The following JAK3 variants were observed in gnomAD, a reference collection of about 807,000 sequenced individuals.
JAK3 encodes Janus kinase 3, also known as tyrosine-protein kinase JAK3.
A neutral mutation model predicts 120.8 loss-of-function variants in JAK3; 88 were observed. The ratio of observed to expected loss-of-function variants is 0.73; its 90% CI spans 0.61 to 0.87. The LOEUF (loss-of-function observed/expected upper bound fraction) is 0.87, where lower values mean the gene tolerates loss of function less well. JAK3 is among the 40% of genes least tolerant of loss of function. JAK3 has a pLI of 0.00. For synonymous variants in JAK3, 592 were observed against 628.6 expected, an observed-to-expected ratio of 0.94 and a Z score of 0.87; for missense variants, 1,254 against 1,501.4, an observed-to-expected ratio of 0.84 and a Z score of 2.72.
intron 14 of JAK3, among the ~76,000 whole-genome samples, chr19:17,835,511 C>G (rs2147683716): frequency 6.6e-6 from 1 of 152,304 alleles, no homozygotes; most frequent in Non-Finnish European, 1.5e-5. Context: ...CAATGAACTT[C>G]CCTTCCACAC....
Position 17,841,673 on chromosome 19 carries a change from C to T in JAK3, c.951G>A (p.Leu317=). 6.2e-7 allele frequency: 1 copy of T among 1,613,958 alleles called. No homozygotes were observed. ...GGTTGTCTGTCCTGGTAACAGTGACCAGGCGGTGCTCTCCGGCCGGGCCAA... is the reference window on the plus strand; with the variant it reads ...GGTTGTCTGTCCTGGTAACAGTGACTAGGCGGTGCTCTCCGGCCGGGCCAA... ...PRVGPAGEHR[L]VTVTRTDNQI... Residue 317 remains leucine (L), a synonymous_variant, in exon 7 of 24, where the codon CTG becomes CTA. Coordinates refer to ENST00000458235, the MANE Select transcript of JAK3 (RefSeq NM_000215.4). The surrounding 1 kb of genome is among the most constrained non-coding windows in gnomAD (Gnocchi z 4.1).
intron 14 of JAK3, 56 bp from the exon 15 acceptor site, chr19:17,835,271 G>A (rs2094222201): frequency 1.9e-6 from 3 of 1,595,620 alleles, no homozygotes; most frequent in African/African-American, 2.7e-5. Flanking sequence ...TGAAGAGTCT[G>A]TTTGGCAAAC....
chr19:17,837,808 A>C, intron 12 of JAK3, 124 bp downstream of exon 12: 1 of 1,384,406 alleles, frequency 7.2e-7, no homozygotes, highest in Non-Finnish European at 1.0e-6. Context: ...AGCCTCCCAA[A>C]GTGCTGGGAT....
At chr19:17,839,866 G>A (rs939497337) in intron 9 of JAK3, among the ~76,000 whole-genome samples, 32 of 149,878 alleles carry the variant, frequency 2.1e-4, no homozygotes, top group Admixed American at 1.1e-3. Context: ...TCAGCCTCCC[G>A]AGTAGCTGGG....
chr19:17,840,513 C>T (rs1046895680), intron 8 of JAK3, among the ~76,000 whole-genome samples, 172 bp from the exon 9 acceptor site: 1 of 152,094 alleles, frequency 6.6e-6, no homozygotes, highest in Non-Finnish European at 1.5e-5. Flanking sequence ...CCTGTAATCC[C>T]AGCATTTTGG....
At chr19:17,830,297 A>C in intron 22 of JAK3, 79 bp from the exon 23 acceptor site, 3 of 804,024 alleles carry the variant, frequency 3.7e-6, no homozygotes, top group Non-Finnish European at 3.9e-6. Context: ...TGGTGGGGGT[A>C]GGGGCCATCT....
rs201002153 is a variant in JAK3 at position 17,832,472 on chromosome 19, G to A, written c.2680+47C>T. 26 of 1,595,644 alleles carry A rather than the reference G, an allele frequency of 1.6e-5. No individual in the cohort carries two copies. Among genetic ancestry groups the A allele is most frequent in the Non-Finnish European group, 2.2e-5 (26 of 1,163,426 alleles). ...GCAGGAGGGTAAGAATGTGCACTTT[G>A]AAAAGCACCCATACGTCTTGGTTCA... On this transcript the variant is annotated intron_variant, in intron 19 of 23. Coordinates refer to ENST00000458235, the MANE Select transcript of JAK3 (RefSeq NM_000215.4). This position sits in a 1 kb window ranked among gnomAD's most constrained non-coding sequence, Gnocchi z 4.7.
rs2094216979 is a variant in JAK3 at position 17,832,864 on chromosome 19, C to T, written c.2416G>A (p.Ala806Thr). The change falls in exon 18 of 24, where the codon GCC becomes ACC. Residue 806 changes from alanine (A) to threonine (T), a missense_variant. Around this residue, in one of 3 missense-constraint regions of JAK3, gnomAD observed 630 missense variants for 819.8 expected, o/e 0.77. Transcript: ENST00000458235. This position sits in a 1 kb window ranked among gnomAD's most constrained non-coding sequence, Gnocchi z 4.7. The stretch of plus-strand genomic sequence containing the variant: ...GGGTCTTGGCAGGCATAGAGCTGGG[C>T]ACCATTCCACAGCCCATCACGAGGT... ...LAPRDGLWNG[A>T]QLYACQDPTI... is the part of the protein sequence containing the mutation. 6.2e-7 allele frequency: 1 copy of T among 1,614,258 alleles called. No homozygotes were observed. The highest frequency in any genetic ancestry group is 8.5e-7 in the Non-Finnish European group (1 of 1,180,044).
At chr19:17,838,528 G>C in intron 10 of JAK3, 138 bp from the exon 11 acceptor site, 1 of 958,076 alleles carries the variant, frequency 1.0e-6, no homozygotes, top group South Asian at 1.4e-5. Flanking sequence ...ATGGCTTTTT[G>C]TTGTTGTTTT....
Position 17,841,326 on chromosome 19 carries a change from G to C in JAK3, c.1142+63C>G. 1 of 1,497,352 alleles carries C rather than the reference G, an allele frequency of 6.7e-7. No homozygotes were observed. The highest frequency in any genetic ancestry group is 9.0e-7 in the Non-Finnish European group (1 of 1,113,206). 92.8% of individuals were successfully genotyped at this position (1,497,352 alleles called of 1,614,324 possible). A position where few individuals can be genotyped will look rare whatever the true frequency, so the allele number is the denominator to read the frequency against. On this transcript the variant is annotated intron_variant, in intron 8 of 23. Transcript: ENST00000458235. This position sits in a 1 kb window ranked among gnomAD's most constrained non-coding sequence, Gnocchi z 4.1. ...GCTCCTGGAAGGTGAGGACACTGAG[G>C]CATAGAGAAGGGGAGGGGCCCTGAG...
chr19:17,847,118 G>C (rs2094253940), intron 1 of JAK3, among the ~76,000 whole-genome samples: 1 of 151,918 alleles, frequency 6.6e-6, no homozygotes, highest in Non-Finnish European at 1.5e-5. Flanking sequence ...GGCTGATCTC[G>C]AACTCCTGAC....
Position 17,841,893 on chromosome 19 carries a change from C to G in JAK3, c.862-131G>C. On this transcript the variant is annotated intron_variant, in intron 6 of 23. Transcript: ENST00000458235. This position sits in a 1 kb window ranked among gnomAD's most constrained non-coding sequence, Gnocchi z 4.1. The stretch of plus-strand genomic sequence containing the variant: ...ATTCAACCCTTCCAAGCCGCGCCCC[C>G]TCCTATCAACTCCAACCTCTCAACA... 3 of 1,216,736 alleles carry G rather than the reference C, an allele frequency of 2.5e-6. No homozygotes were observed. The highest frequency in any genetic ancestry group is 1.4e-5 in the South Asian group (1 of 72,634). The allele number at this position is 1,216,736 out of a possible 1,614,324, so 75.4% of individuals were successfully genotyped here.
intron 1 of JAK3, 35 bp from the exon 2 acceptor site, chr19:17,844,465 G>C: frequency 6.4e-7 from 1 of 1,558,334 alleles, no homozygotes; most frequent in Non-Finnish European, 8.7e-7. Context: ...CTCAGTCCTG[G>C]TCAGAGGGGA....
chr19:17,845,051 G>T (rs2094249074), intron 1 of JAK3, among the ~76,000 whole-genome samples: 1 of 152,162 alleles, frequency 6.6e-6, no homozygotes, highest in African/African-American at 2.4e-5. Context: ...TCTGAAGAAA[G>T]TGTTGGGAAA....
rs771152061 is a variant in JAK3, at chr19:17,841,594, C to G, written c.984+46G>C. On this transcript the variant is annotated intron_variant, in intron 7 of 23. Transcript: ENST00000458235. The surrounding 1 kb of genome is among the most constrained non-coding windows in gnomAD (Gnocchi z 4.1). ...CCCAGTGAAACCCGAGGGTGCCGGTCCCGCCCTCGGGGTAAGGCTGAAGGG... is the reference window on the plus strand; with the variant it reads ...CCCAGTGAAACCCGAGGGTGCCGGTGCCGCCCTCGGGGTAAGGCTGAAGGG... The G allele has an allele frequency of 1.9e-6, 3 of 1,611,560 alleles. No homozygotes were observed. The highest frequency in any genetic ancestry group is 2.2e-5 in the South Asian group (2 of 90,836).
intron 23 of JAK3, among the ~76,000 whole-genome samples, chr19:17,827,316 C>T (rs2094205690): frequency 6.6e-6 from 1 of 151,870 alleles, no homozygotes; most frequent in Non-Finnish European, 1.5e-5. Context: ...CCCATCTCTG[C>T]TCCAAAAACT....
chr19:17,843,354 G>T lies in JAK3; in HGVS notation c.420+26C>A, dbSNP rs1025434164. 1.9e-6 allele frequency: 3 copies of T among 1,550,332 alleles called. No individual in the cohort carries two copies. In the African/African-American group the frequency reaches 4.1e-5, roughly 21 times the overall value. On this transcript the variant is annotated intron_variant, in intron 4 of 23. Transcript: ENST00000458235. The surrounding 1 kb of genome is among the most constrained non-coding windows in gnomAD (Gnocchi z 5.4). Reference sequence around the variant, plus strand: ...TTGCCCCTTGGACCCCCAACCCCCTGGGTCAAACCCCAGGCAGAACCCCAC... The same window carrying T: ...TTGCCCCTTGGACCCCCAACCCCCTTGGTCAAACCCCAGGCAGAACCCCAC...
At chr19:17,847,744 C>T (rs1193447289) in intron 1 of JAK3, among the ~76,000 whole-genome samples, 1 of 152,206 alleles carries the variant, frequency 6.6e-6, no homozygotes. Flanking sequence ...ATCTCCCGGC[C>T]TTAGTCAAAG....
intron 9 of JAK3, 28 bp downstream of exon 9, chr19:17,840,202 C>G (rs769418887): frequency 6.7e-7 from 1 of 1,501,276 alleles, no homozygotes; most frequent in Admixed American, 1.7e-5. Flanking sequence ...AGGCAGCCCT[C>G]CACTACCCAC....
Sources: gnomAD v4.1 joint callset for allele counts (sites outside exome capture counted in the v4.1 genomes callset) on GRCh38, gnomAD v4.1.1 for gene constraint, gnomAD v4.1.1 regional missense constraint, Gnocchi (gnomAD v3.1) non-coding constraint, MANE v1.5 for transcripts, NCBI Gene and HGNC (gene_info 2026-07-23, HGNC 2026-07-21) for gene names.